The following ADGRB3 variants were observed in gnomAD, a reference collection of about 807,000 sequenced individuals.
ADGRB3 encodes brain-specific angiogenesis inhibitor 3.
In ADGRB3, 37 loss-of-function variants were observed where a neutral mutation model predicts 193.4. That is an observed-to-expected ratio of 0.19 (90% CI 0.15 to 0.25). The LOEUF (loss-of-function observed/expected upper bound fraction) is 0.25. Ranked by LOEUF, ADGRB3 falls within the 10% of genes least tolerant of loss-of-function variation. The probability of loss-of-function intolerance (pLI) is 1.00; values close to 1 mark genes in which losing one functional copy is unlikely to be tolerated. For synonymous variants in ADGRB3, 690 were observed against 644.2 expected (o/e 1.07, Z -1.08); for missense variants, 1,637 against 1,852.9 (o/e 0.88, Z 2.14).
chr6:68,751,472 T>TG (rs1766197531), intron 3 of ADGRB3, among the ~76,000 whole-genome samples: 4 of 152,086 alleles, frequency 2.6e-5, no homozygotes, highest in Non-Finnish European at 4.4e-5. Flanking sequence ...TGAAATGAAA[T>TG]AAAACATCAG....
chr6:69,206,045 G>GTATA (rs56741913), intron 17 of ADGRB3, among the ~76,000 whole-genome samples: 9,704 of 99,418 alleles, frequency 0.098, 612 homozygotes, highest in South Asian at 0.13. Context: ...TATAATAATG[G>GTATA]TATATATATA....
At chr6:68,677,047 G>GT (rs1769108556) in intron 3 of ADGRB3, among the ~76,000 whole-genome samples, 1 of 152,150 alleles carries the variant, frequency 6.6e-6, no homozygotes, top group Non-Finnish European at 1.5e-5. Context: ...GAATTCCTGT[G>GT]TAGTGCACAT....
chr6:69,089,762 A>T (rs1271201736), intron 17 of ADGRB3, among the ~76,000 whole-genome samples: 1 of 152,182 alleles, frequency 6.6e-6, no homozygotes, highest in African/African-American at 2.4e-5. Context: ...AAGTAGGAGC[A>T]TCTCTCAATC....
chr6:69,373,623 G>T (rs1033337631), intron 30 of ADGRB3, among the ~76,000 whole-genome samples: 1 of 151,990 alleles, frequency 6.6e-6, no homozygotes, highest in Non-Finnish European at 1.5e-5. Flanking sequence ...AATCTGAATA[G>T]ACAATATTCA....
rs969484584 is a variant in ADGRB3, at chr6:69,331,648, AC to A, written c.3102+1078del. 3 of 985,264 alleles carry A rather than the reference AC, an allele frequency of 3.0e-6. No homozygotes were observed. The African/African-American group carries it at 5.2e-5, about 17-fold the overall frequency. 61.0% of individuals were successfully genotyped at this position (985,264 alleles called of 1,614,324 possible). ...CAAAGGGAAATCAAAACTATTAGAC[AC>A]CTTTTTTGTCTGCTGCTTTGAATTT... On this transcript the variant is annotated intron_variant, in intron 23 of 31. Transcript: ENST00000370598.
At chr6:68,769,476 G>A (rs573951280) in intron 3 of ADGRB3, among the ~76,000 whole-genome samples, 3 of 152,208 alleles carry the variant, frequency 2.0e-5, no homozygotes, top group South Asian at 2.1e-4. Flanking sequence ...CTCATAAGTC[G>A]GAGTTGAACA....
chr6:69,232,842 T>C (rs1245806849), intron 17 of ADGRB3, among the ~76,000 whole-genome samples: 4 of 152,202 alleles, frequency 2.6e-5, no homozygotes, highest in Non-Finnish European at 5.9e-5. Context: ...AAATCCGCAT[T>C]TTAAAAGCCA....
chr6:69,359,065 C>T (rs781526116), intron 28 of ADGRB3, among the ~76,000 whole-genome samples: 2 of 151,364 alleles, frequency 1.3e-5, no homozygotes, highest in Non-Finnish European at 3.0e-5. Flanking sequence ...TACACAGTAC[C>T]AATACTTCCT....
At chr6:69,225,272 C>T (rs1765985143) in intron 17 of ADGRB3, among the ~76,000 whole-genome samples, 1 of 152,260 alleles carries the variant, frequency 6.6e-6, no homozygotes, top group South Asian at 2.1e-4. Context: ...CAATGGCCTC[C>T]TCCATGCCCA....
intron 17 of ADGRB3, among the ~76,000 whole-genome samples, chr6:69,092,811 T>C (rs1034494754): frequency 6.6e-6 from 1 of 151,802 alleles, no homozygotes; most frequent in Non-Finnish European, 1.5e-5. Context: ...GTTAGGTGGG[T>C]GACTGGGGGA....
chr6:69,011,135 A>ATGTG (rs66675226), intron 11 of ADGRB3, among the ~76,000 whole-genome samples: 2,634 of 144,994 alleles, frequency 0.018, 67 homozygotes, highest in African/African-American at 0.064. Flanking sequence ...ATACATATAT[A>ATGTG]TGTGTGTGTG....
intron 3 of ADGRB3, among the ~76,000 whole-genome samples, chr6:68,661,551 A>G (rs1306388219): frequency 2.3e-4 from 8 of 35,418 alleles, no homozygotes; most frequent in African/African-American, 6.5e-4. Flanking sequence ...ATATATATAT[A>G]TATATATATA....
intron 3 of ADGRB3, among the ~76,000 whole-genome samples, chr6:68,867,768 G>C (rs1239593515): frequency 6.6e-6 from 1 of 152,156 alleles, no homozygotes; most frequent in South Asian, 2.1e-4. Flanking sequence ...GACGTCAAAG[G>C]AGATTATTTT....
At chr6:69,130,146 G>A (rs1773966482) in intron 17 of ADGRB3, among the ~76,000 whole-genome samples, 1 of 152,000 alleles carries the variant, frequency 6.6e-6, no homozygotes. Context: ...TCCTGATGGT[G>A]TCTTCTTGCT....
chr6:68,910,900 G>T (rs1254700389), intron 3 of ADGRB3, among the ~76,000 whole-genome samples: 1 of 151,952 alleles, frequency 6.6e-6, no homozygotes, highest in Admixed American at 6.6e-5. Flanking sequence ...CTCTTTTTTG[G>T]TTCCATATGA....
intron 20 of ADGRB3, among the ~76,000 whole-genome samples, chr6:69,288,088 T>C (rs1767589983): frequency 6.6e-6 from 1 of 152,224 alleles, no homozygotes; most frequent in Non-Finnish European, 1.5e-5. Flanking sequence ...GGGATACATG[T>C]GCAGAACGTG....
At chr6:68,668,737 T>G (rs1344841727) in intron 3 of ADGRB3, among the ~76,000 whole-genome samples, 2 of 151,858 alleles carry the variant, frequency 1.3e-5, no homozygotes, top group Admixed American at 6.6e-5. Context: ...TTTTTAATGC[T>G]TTAAGGCCCA....
At chr6:69,097,209 G>C (rs1772905980) in intron 17 of ADGRB3, among the ~76,000 whole-genome samples, 1 of 152,270 alleles carries the variant, frequency 6.6e-6, no homozygotes, top group Non-Finnish European at 1.5e-5. Flanking sequence ...CTATGACTCA[G>C]GTCGAGCTAT....
At chr6:68,924,180 G>T (rs183152288) in intron 3 of ADGRB3, among the ~76,000 whole-genome samples, 6 of 152,136 alleles carry the variant, frequency 3.9e-5, no homozygotes, top group Non-Finnish European at 8.8e-5. Flanking sequence ...GTCTCAGAAA[G>T]AGATATTAAC....
Sources: allele counts gnomAD v4.1 joint callset (sites outside exome capture counted in the v4.1 genomes callset), GRCh38; gene constraint gnomAD v4.1.1; transcripts MANE v1.5; gene names NCBI Gene and HGNC (gene_info 2026-07-23, HGNC 2026-07-21).